The following RMDN1 variants were observed in gnomAD, a reference collection of about 807,000 sequenced individuals.
RMDN1 encodes regulator of microtubule dynamics 1.
Under a neutral mutation model 48.9 loss-of-function variants are expected in RMDN1, and 48 were observed. The observed-to-expected ratio is 0.98, with a 90% CI of 0.78 to 1.25. The LOEUF (loss-of-function observed/expected upper bound fraction) is 1.25. Among genes scored for constraint, RMDN1 ranks in the 50% most tolerant of loss-of-function variants. The pLI is 0.00. For missense variants in RMDN1, 418 were observed against 373.4 expected (o/e 1.12, Z -0.98); for synonymous variants, 148 against 132.6 (o/e 1.12, Z -0.80).
At chr8:86,487,374 C>T (rs769953017) in intron 3 of RMDN1, among the ~76,000 whole-genome samples, 16 of 152,132 alleles carry the variant, frequency 1.1e-4, no homozygotes, top group South Asian at 2.1e-4. Context: ...GAGGCCAAGG[C>T]GGGCAGATCA....
chr8:86,503,816 G>T, intron 2 of RMDN1: 2 of 536,422 alleles, frequency 3.7e-6, no homozygotes, highest in Admixed American at 2.5e-5. Context: ...CTCCTTTTCC[G>T]TTAGACTCTT....
At chr8:86,499,150 T>C (rs1395272780) in intron 2 of RMDN1, among the ~76,000 whole-genome samples, 1 of 151,930 alleles carries the variant, frequency 6.6e-6, no homozygotes, top group African/African-American at 2.4e-5. Flanking sequence ...CCTTGAAAAA[T>C]GGAACAAGAC....
At chr8:86,470,181 G>A, downstream of RMDN1, 1 of 1,288,670 alleles carries the variant, frequency 7.8e-7, no homozygotes, top group Non-Finnish European at 1.0e-6. Context: ...GCCTATGTAT[G>A]TAATAACACT....
chr8:86,474,046 C>T lies in RMDN1; in HGVS notation c.*262G>A, dbSNP rs1812951915. On this transcript the variant is annotated 3_prime_UTR_variant, in exon 10 of 10. Coordinates refer to ENST00000406452, the MANE Select transcript of RMDN1 (RefSeq NM_016033.3). ...CAATGTGATCAATCCTTAGAAATCT[C>T]ATACCATTTTGCATTGCTGGTATCC... The T allele has an allele frequency of 1.7e-6, 2 of 1,183,486 alleles. No individual in the cohort carries two copies. The highest frequency in any genetic ancestry group is 9.0e-5 in the East Asian group (2 of 22,302). The allele number at this position is 1,183,486 out of a possible 1,614,324, so 73.3% of individuals were successfully genotyped here.
chr8:86,475,786 G>A (rs113262403), intron 8 of RMDN1, among the ~76,000 whole-genome samples: 48 of 152,196 alleles, frequency 3.2e-4, no homozygotes, highest in African/African-American at 1.2e-3. Flanking sequence ...TTTTATTTGA[G>A]CAGATTTGTG....
Position 86,473,832 on chromosome 8 carries a change from G to A in RMDN1, c.*476C>T, listed in dbSNP as rs1240439492. On this transcript the variant is annotated 3_prime_UTR_variant, in exon 10 of 10. Coordinates refer to ENST00000406452, the MANE Select transcript of RMDN1 (RefSeq NM_016033.3). ...CTTACTTAGTTCTTTACTTACACAG[G>A]TTAGCTCCAAGATATATCATTTAAC... is the stretch of plus-strand genomic sequence containing the variant. 1.8e-5 allele frequency: 18 copies of A among 985,858 alleles called. No homozygotes were observed. The highest frequency in any genetic ancestry group is 1.9e-5 in the Non-Finnish European group (16 of 830,304). The allele number at this position is 985,858 out of a possible 1,614,324, so 61.1% of individuals were successfully genotyped here. A position where few individuals can be genotyped will look rare whatever the true frequency, so the allele number is the denominator to read the frequency against.
chr8:86,512,376 C>T (rs1009102231), upstream of RMDN1, among the ~76,000 whole-genome samples: 8 of 152,148 alleles, frequency 5.3e-5, no homozygotes, highest in South Asian at 2.1e-4. Context: ...CTTGTAGTAC[C>T]TCCCCAGTAC....
intron 2 of RMDN1, among the ~76,000 whole-genome samples, chr8:86,499,121 C>CA (rs768547682): frequency 2.4e-4 from 36 of 152,144 alleles, no homozygotes; most frequent in Non-Finnish European, 4.3e-4. Flanking sequence ...ACTGAATGTG[C>CA]AAAAGCTGGA....
At chr8:86,487,645 T>A (rs1815702748) in intron 3 of RMDN1, among the ~76,000 whole-genome samples, 1 of 152,042 alleles carries the variant, frequency 6.6e-6, no homozygotes, top group African/African-American at 2.4e-5. Flanking sequence ...TGTTTGCCTT[T>A]AATCCTAACT....
intron 8 of RMDN1, 107 bp downstream of exon 8, chr8:86,477,187 A>G: frequency 1.3e-6 from 1 of 741,390 alleles, no homozygotes. Context: ...TAGCACAAAA[A>G]TAAGTATAAC....
chr8:86,512,934 T>C (rs1298603079), upstream of RMDN1, among the ~76,000 whole-genome samples: 1 of 152,058 alleles, frequency 6.6e-6, no homozygotes, highest in Admixed American at 6.5e-5. Flanking sequence ...TAAAAATGTT[T>C]AGTTTGCATT....
At chr8:86,501,883 C>T (rs1818290662) in intron 2 of RMDN1, among the ~76,000 whole-genome samples, 1 of 150,898 alleles carries the variant, frequency 6.6e-6, no homozygotes, top group Non-Finnish European at 1.5e-5. Flanking sequence ...AGTAACAAAA[C>T]CAAGTTCTCT....
intron 3 of RMDN1, among the ~76,000 whole-genome samples, chr8:86,487,680 T>A (rs1005623954): frequency 2.0e-5 from 3 of 152,078 alleles, no homozygotes; most frequent in Non-Finnish European, 4.4e-5. Context: ...TAAAAAAAAA[T>A]TTGAAGCTAA....
intron 3 of RMDN1, 126 bp from the exon 4 acceptor site, chr8:86,486,769 AT>A: frequency 3.7e-6 from 2 of 541,336 alleles, no homozygotes. Flanking sequence ...ATCAAAAGCC[AT>A]TAGTAATAAT....
chr8:86,472,985 CAAG>C lies in RMDN1; in HGVS notation c.*1320_*1322del. ...TGTGTTTAAACTTGGGTCCCATCTCCAAGATATCTTATTGTGTGTATGCAGGTA... is the reference window on the plus strand; with the variant it reads ...TGTGTTTAAACTTGGGTCCCATCTCCATATCTTATTGTGTGTATGCAGGTA... On this transcript the variant is annotated 3_prime_UTR_variant, in exon 10 of 10. Transcript: ENST00000406452. 1 of 302,598 alleles carries C rather than the reference CAAG, an allele frequency of 3.3e-6. No individual in the cohort carries two copies. The highest frequency in any genetic ancestry group is 1.7e-4 in the East Asian group (1 of 5,780). The allele number at this position is 302,598 out of a possible 1,614,324, so 18.7% of individuals were successfully genotyped here.
intron 7 of RMDN1, 56 bp from the exon 8 acceptor site, chr8:86,477,380 TA>T: frequency 7.2e-7 from 1 of 1,379,900 alleles, no homozygotes; most frequent in South Asian, 1.3e-5. Flanking sequence ...AAGACAATAT[TA>T]AAAAAGCATT....
chr8:86,493,325 A>G (rs903560491), intron 2 of RMDN1, among the ~76,000 whole-genome samples: 4 of 152,220 alleles, frequency 2.6e-5, no homozygotes, highest in African/African-American at 9.6e-5. Context: ...TTTTGGATGT[A>G]TATCCAAAGG....
At position 86,474,945 on chromosome 8, in the gene RMDN1, TTGG is replaced by T. The variant is rs1813116897; in HGVS notation, c.766_768del (p.Pro256del). 1.2e-6 allele frequency: 2 copies of T among 1,605,818 alleles called. No individual in the cohort carries two copies. The highest frequency in any genetic ancestry group is 2.7e-5 in the African/African-American group (2 of 74,344). On this transcript the variant is annotated inframe_deletion, in exon 9 of 10. Coordinates refer to ENST00000406452, the MANE Select transcript of RMDN1 (RefSeq NM_016033.3). ...AGAAGTAAGTTTTTGCTGTAGAAGT[TTGG>T]ATCCACTGCACATAAGAAAGAAAAA...
intron 2 of RMDN1, among the ~76,000 whole-genome samples, chr8:86,506,527 TGC>T (rs1819398814): frequency 6.6e-6 from 1 of 152,206 alleles, no homozygotes; most frequent in African/African-American, 2.4e-5. Context: ...TGAATATGTG[TGC>T]ACTGTCCCTT....
Sources: allele counts gnomAD v4.1 joint callset (sites outside exome capture counted in the v4.1 genomes callset), GRCh38; gene constraint gnomAD v4.1.1; transcripts MANE v1.5; gene names NCBI Gene and HGNC (gene_info 2026-07-23, HGNC 2026-07-21).